FIRRM: variants seen among roughly 807,000 people sequenced by gnomAD.
The protein encoded by FIRRM is FIGNL1-interacting regulator of recombination and mitosis.
chr1:169,789,057 T>C, the FIRRM span, among the ~76,000 whole-genome samples: 93 of 152,312 alleles, frequency 6.1e-4, 1 homozygote, highest in East Asian at 0.017. Context: ...TAGAGGAGTC[T>C]TACAAAGCAC....
chr1:169,787,172 G>GGTGCAGT, the FIRRM span, among the ~76,000 whole-genome samples: 43 of 152,192 alleles, frequency 2.8e-4, no homozygotes, highest in Admixed American at 7.9e-4. Flanking sequence ...TTCCCTGCAG[G>GGTGCAGT]GTGCAGTGTG....
the FIRRM span, among the ~76,000 whole-genome samples, chr1:169,845,995 C>T: frequency 2.0e-5 from 3 of 152,152 alleles, no homozygotes; most frequent in Admixed American, 6.5e-5. Context: ...CCTTATAAAA[C>T]GTATTTCTTA....
chr1:169,842,379 T>G, the FIRRM span: 1 of 1,596,474 alleles, frequency 6.3e-7, no homozygotes, highest in Non-Finnish European at 8.5e-7. Context: ...TTTAGACTGG[T>G]GTTTAAACTC....
chr1:169,832,314 C>T, the FIRRM span: 3 of 707,636 alleles, frequency 4.2e-6, no homozygotes, highest in East Asian at 7.7e-5. Context: ...CAATCTTTTC[C>T]CCTAGAAAGA....
chr1:169,853,897 A>G, the FIRRM span: 1 of 1,039,488 alleles, frequency 9.6e-7, no homozygotes, highest in Non-Finnish European at 1.4e-6. Flanking sequence ...CCTCGTACTA[A>G]GTAAAATAAC....
chr1:169,797,432 T>G, the FIRRM span, among the ~76,000 whole-genome samples: 5 of 152,236 alleles, frequency 3.3e-5, no homozygotes, highest in African/African-American at 4.8e-5. Flanking sequence ...TGAGGCCAAT[T>G]CTACCCTACT....
the FIRRM span, chr1:169,800,903 G>A: frequency 6.3e-7 from 1 of 1,580,098 alleles, no homozygotes; most frequent in Admixed American, 1.8e-5. Flanking sequence ...AATTATTGTA[G>A]AAATGTTTTT....
chr1:169,819,459 A>G, the FIRRM span, among the ~76,000 whole-genome samples: 1 of 152,246 alleles, frequency 6.6e-6, no homozygotes, highest in Non-Finnish European at 1.5e-5. Flanking sequence ...CTCCAAAGTG[A>G]AAAACATCAG....
At chr1:169,840,471 G>A in the FIRRM span, among the ~76,000 whole-genome samples, 3 of 151,178 alleles carry the variant, frequency 2.0e-5, no homozygotes, top group East Asian at 1.9e-4. Context: ...AGGGGTGTGC[G>A]TGTATCTACT....
chr1:169,791,828 C>T, the FIRRM span, among the ~76,000 whole-genome samples: 1 of 152,178 alleles, frequency 6.6e-6, no homozygotes, highest in Non-Finnish European at 1.5e-5. Flanking sequence ...CAAGGCAGAT[C>T]CCAATTCCCA....
At chr1:169,807,973 TC>T in the FIRRM span, 15 of 1,565,548 alleles carry the variant, frequency 9.6e-6, no homozygotes, top group African/African-American at 1.9e-4. Context: ...ACTCTTATTT[TC>T]TTTGGCAGTT....
the FIRRM span, among the ~76,000 whole-genome samples, chr1:169,797,086 T>C: frequency 1.5e-4 from 23 of 152,364 alleles, no homozygotes; most frequent in African/African-American, 5.5e-4. Context: ...AAAGGCAGGA[T>C]GTTGATTTTC....
the FIRRM span, among the ~76,000 whole-genome samples, chr1:169,801,597 C>CAAAAA: frequency 4.5e-4 from 56 of 124,246 alleles, no homozygotes; most frequent in Middle Eastern, 3.9e-3. Flanking sequence ...ACCCTTAATT[C>CAAAAA]AAAAAAAAAA....
chr1:169,791,619 T>G, the FIRRM span, among the ~76,000 whole-genome samples: 1 of 152,242 alleles, frequency 6.6e-6, no homozygotes, highest in Non-Finnish European at 1.5e-5. Context: ...TTCTGCCCTG[T>G]ATACAGTAAA....
the FIRRM span, chr1:169,803,258 T>G: frequency 1.2e-6 from 2 of 1,613,740 alleles, no homozygotes; most frequent in Non-Finnish European, 1.7e-6. Context: ...ATATTCAGAG[T>G]CTCCCCTCCT....
At chr1:169,847,789 C>A in the FIRRM span, 3 of 1,599,922 alleles carry the variant, frequency 1.9e-6, no homozygotes, top group African/African-American at 2.7e-5. Context: ...ACTTTTTATA[C>A]CTGAAGCTAT....
At chr1:169,795,123 C>G in the FIRRM span, 3 of 1,536,004 alleles carry the variant, frequency 2.0e-6, no homozygotes, top group African/African-American at 2.7e-5. Flanking sequence ...AAGGTGCGGT[C>G]CCAGCTAGCG....
At chr1:169,799,398 A>G in the FIRRM span, among the ~76,000 whole-genome samples, 3 of 152,196 alleles carry the variant, frequency 2.0e-5, no homozygotes, top group Non-Finnish European at 4.4e-5. Context: ...TCATGTCTTC[A>G]TCAGTCTTAC....
At chr1:169,800,089 G>T in the FIRRM span, among the ~76,000 whole-genome samples, 1 of 152,036 alleles carries the variant, frequency 6.6e-6, no homozygotes, top group Non-Finnish European at 1.5e-5. Flanking sequence ...GAGTGTAGTG[G>T]TGCGAACATA....
Sources: gnomAD v4.1 joint callset for allele counts (sites outside exome capture counted in the v4.1 genomes callset) on GRCh38, gnomAD v4.1.1 for gene constraint, MANE v1.5 for transcripts, NCBI Gene and HGNC (gene_info 2026-07-23, HGNC 2026-07-21) for gene names.